GREM2: variants seen among roughly 807,000 people sequenced by gnomAD.
GREM2 encodes gremlin-2.
GREM2 carries 11 observed loss-of-function variants against 14.2 expected under a neutral mutation model. The observed-to-expected ratio is 0.78, with a 90% CI of 0.49 to 1.28. The LOEUF (loss-of-function observed/expected upper bound fraction) is 1.28. Among genes scored for constraint, GREM2 ranks in the 50% most tolerant of loss-of-function variants. The probability of loss-of-function intolerance (pLI) is 0.00; values close to 1 mark genes in which losing one functional copy is unlikely to be tolerated. For missense variants in GREM2, 210 were observed against 218.5 expected, an observed-to-expected ratio of 0.96 and a Z score of 0.24; for synonymous variants, 98 against 97.6, an observed-to-expected ratio of 1.00 and a Z score of -0.02.
At chr1:240,494,963 C>T (rs1173029539) in intron 1 of GREM2, among the ~76,000 whole-genome samples, 1 of 152,102 alleles carries the variant, frequency 6.6e-6, no homozygotes, top group African/African-American at 2.4e-5. Flanking sequence ...TGTCTGATGA[C>T]AATGCAAAGT....
In GREM2 at chr1:240,521,456, A is replaced by G. The variant is rs551140603; in HGVS notation, c.-1-27980T>C. ...CATGGTGAGGGGCGACTGTAGTCCC[A>G]GCTACTCGAGAGGCTGAGGCAGGAG... On this transcript the variant is annotated intron_variant, in intron 1 of 1. Coordinates refer to ENST00000318160, the MANE Select transcript of GREM2 (RefSeq NM_022469.4). Among the ~76,000 whole-genome samples the G allele has an allele frequency of 2.4e-4, 36 of 151,816 alleles. 1 individual carries two copies. The highest frequency in any genetic ancestry group is 3.9e-4 in the East Asian group (2 of 5,146).
At chr1:240,602,332 A>C (rs1467172135) in intron 1 of GREM2, among the ~76,000 whole-genome samples, 1 of 152,216 alleles carries the variant, frequency 6.6e-6, no homozygotes, top group Non-Finnish European at 1.5e-5. Context: ...TCAGCTGAGT[A>C]AAGTCAGAAG....
chr1:240,525,772 C>T (rs1248327290), intron 1 of GREM2, among the ~76,000 whole-genome samples: 2 of 152,168 alleles, frequency 1.3e-5, no homozygotes, highest in East Asian at 1.9e-4. Flanking sequence ...AGCCACCGCG[C>T]CCAGTTCTAA....
intron 1 of GREM2, among the ~76,000 whole-genome samples, chr1:240,610,609 G>A (rs1169223306): frequency 6.6e-6 from 1 of 152,240 alleles, no homozygotes; most frequent in East Asian, 1.9e-4. Flanking sequence ...TCGGGCACAT[G>A]TCTTGGGACA....
intron 1 of GREM2, among the ~76,000 whole-genome samples, chr1:240,567,495 G>T (rs1679192983): frequency 6.6e-6 from 1 of 151,896 alleles, no homozygotes; most frequent in South Asian, 2.1e-4. Context: ...ATTACTCTTT[G>T]GAAAAAATTA....
chr1:240,529,065 C>T (rs1189797475), intron 1 of GREM2, among the ~76,000 whole-genome samples: 2 of 152,146 alleles, frequency 1.3e-5, no homozygotes, highest in Non-Finnish European at 2.9e-5. Flanking sequence ...TCACACGAAC[C>T]TTCTAGCCTT....
At chr1:240,585,729 CAAAAAAAAA>C (rs370321961) in intron 1 of GREM2, among the ~76,000 whole-genome samples, 16,540 of 67,824 alleles carry the variant, frequency 0.24, 1,228 homozygotes, top group South Asian at 0.44. Flanking sequence ...GACTCCATCT[CAAAAAAAAA>C]AAAAAAAAAA....
At chr1:240,506,660 A>G (rs1310644745) in intron 1 of GREM2, among the ~76,000 whole-genome samples, 1 of 152,248 alleles carries the variant, frequency 6.6e-6, no homozygotes, top group Non-Finnish European at 1.5e-5. Context: ...TTATGAGGCT[A>G]TGCTAGGCAG....
intron 1 of GREM2, among the ~76,000 whole-genome samples, chr1:240,575,097 ACT>A (rs1679336305): frequency 6.6e-6 from 1 of 151,810 alleles, no homozygotes; most frequent in East Asian, 1.9e-4. Flanking sequence ...CAAGAGTGAG[ACT>A]CTGTCTCCAA....
chr1:240,611,442 C>G (rs1680132883), intron 1 of GREM2, among the ~76,000 whole-genome samples: 1 of 152,114 alleles, frequency 6.6e-6, no homozygotes, highest in Non-Finnish European at 1.5e-5. Flanking sequence ...CTGCCGAAGT[C>G]CGCTGTGGTT....
intron 1 of GREM2, among the ~76,000 whole-genome samples, chr1:240,541,035 C>G (rs555242244): frequency 6.6e-6 from 1 of 152,330 alleles, no homozygotes; most frequent in African/African-American, 2.4e-5. Context: ...GTGGAATACC[C>G]TGCCTTCTCT....
intron 1 of GREM2, among the ~76,000 whole-genome samples, chr1:240,548,909 G>A (rs780431019): frequency 6.6e-6 from 1 of 152,194 alleles, no homozygotes; most frequent in African/African-American, 2.4e-5. Flanking sequence ...ACGGATTTTA[G>A]GAGAAGCTAC....
intron 1 of GREM2, among the ~76,000 whole-genome samples, chr1:240,575,871 A>G (rs1679362709): frequency 6.6e-6 from 1 of 150,554 alleles, no homozygotes; most frequent in Non-Finnish European, 1.5e-5. Context: ...CAAGAACAAC[A>G]TCAGAGCTTT....
At chr1:240,578,183 T>G (rs192249489) in intron 1 of GREM2, among the ~76,000 whole-genome samples, 1,892 of 152,246 alleles carry the variant, frequency 0.012, 8 homozygotes, top group Middle Eastern at 0.048. Context: ...TGGAGTACAG[T>G]GGTGCAATCT....
intron 1 of GREM2, among the ~76,000 whole-genome samples, chr1:240,598,958 T>A (rs370842731): frequency 2.7e-5 from 4 of 148,530 alleles, no homozygotes; most frequent in African/African-American, 9.7e-5. Context: ...CATCCATCCA[T>A]CCACTGATTC....
intron 1 of GREM2, among the ~76,000 whole-genome samples, chr1:240,607,097 G>T (rs1016503045): frequency 5.3e-5 from 8 of 152,170 alleles, no homozygotes; most frequent in African/African-American, 1.7e-4. Context: ...GTAAGGATTA[G>T]ATGATACCTA....
chr1:240,567,286 C>G (rs1440928925), intron 1 of GREM2, among the ~76,000 whole-genome samples: 1 of 151,992 alleles, frequency 6.6e-6, no homozygotes, highest in Non-Finnish European at 1.5e-5. Context: ...AAACAATAGC[C>G]TACTATTTCC....
At chr1:240,603,467 C>G (rs763445923) in intron 1 of GREM2, among the ~76,000 whole-genome samples, 1 of 150,044 alleles carries the variant, frequency 6.7e-6, no homozygotes, top group Non-Finnish European at 1.5e-5. Context: ...CATGGCTCCT[C>G]TCCCATCCAT....
intron 1 of GREM2, among the ~76,000 whole-genome samples, chr1:240,541,601 G>A (rs1446288090): frequency 6.6e-6 from 1 of 150,946 alleles, no homozygotes; most frequent in Non-Finnish European, 1.5e-5. Flanking sequence ...TTTCTGTTTG[G>A]TTGCGTTAAC....
Sources: allele counts gnomAD v4.1 joint callset (sites outside exome capture counted in the v4.1 genomes callset), GRCh38; gene constraint gnomAD v4.1.1; transcripts MANE v1.5; gene names NCBI Gene and HGNC (gene_info 2026-07-23, HGNC 2026-07-21).